Variants in CADM2 observed in about 807,000 individuals in gnomAD.
CADM2 encodes the protein cell adhesion molecule 2, also known as immunoglobulin superfamily member 4D.
A neutral mutation model predicts 49.8 loss-of-function variants in CADM2; 12 were observed. The observed-to-expected ratio is 0.24, with a 90% CI of 0.15 to 0.39. CADM2 has a LOEUF of 0.39. Among genes scored for constraint, CADM2 ranks in the 10% least tolerant of loss-of-function variants. CADM2 has a pLI of 1.00. For missense variants in CADM2, 378 were observed against 492.3 expected (o/e 0.77, Z 2.20); for synonymous variants, 214 against 175.4 (o/e 1.22, Z -1.74).
chr3:85,326,967 A>T (rs533093105), intron 1 of CADM2, among the ~76,000 whole-genome samples: 4 of 152,290 alleles, frequency 2.6e-5, no homozygotes, highest in Admixed American at 6.5e-5. Context: ...TAAATAAAAT[A>T]GAATTAACAT....
intron 1 of CADM2, among the ~76,000 whole-genome samples, chr3:85,681,829 AGT>A (rs1180659855): frequency 6.6e-6 from 1 of 152,136 alleles, no homozygotes; most frequent in East Asian, 1.9e-4. Context: ...TTAACTGTTA[AGT>A]GAATAATTTC....
At chr3:85,900,228 A>G (rs1715929272) in intron 5 of CADM2, among the ~76,000 whole-genome samples, 1 of 152,312 alleles carries the variant, frequency 6.6e-6, no homozygotes, top group Admixed American at 6.5e-5. Flanking sequence ...CATCTAGACT[A>G]GAAGGAGTAG....
chr3:85,290,195 C>T (rs973695267), intron 1 of CADM2, among the ~76,000 whole-genome samples: 13 of 152,128 alleles, frequency 8.5e-5, no homozygotes, highest in South Asian at 2.1e-4. Flanking sequence ...CCTGGAAAAT[C>T]GGGTCACTCC....
intron 1 of CADM2, among the ~76,000 whole-genome samples, chr3:85,522,312 T>G (rs1393235899): frequency 2.0e-5 from 3 of 152,162 alleles, no homozygotes; most frequent in Non-Finnish European, 2.9e-5. Context: ...AACTTATTTT[T>G]TCCTTTTCTG....
intron 1 of CADM2, among the ~76,000 whole-genome samples, chr3:85,036,626 T>C (rs1486368679): frequency 6.6e-6 from 1 of 152,146 alleles, no homozygotes. Flanking sequence ...AAAAAGAATG[T>C]TATCCTTCAA....
intron 1 of CADM2, among the ~76,000 whole-genome samples, chr3:84,965,969 C>G (rs1050153441): frequency 1.3e-5 from 2 of 152,118 alleles, no homozygotes; most frequent in African/African-American, 4.8e-5. Flanking sequence ...GTTATAAACC[C>G]ACTGTTATAG....
At chr3:85,305,690 A>G (rs922970839) in intron 1 of CADM2, among the ~76,000 whole-genome samples, 1 of 151,662 alleles carries the variant, frequency 6.6e-6, no homozygotes, top group Non-Finnish European at 1.5e-5. Context: ...TTTCACCACC[A>G]TCATGCAAAA....
At chr3:85,397,854 A>G (rs2034872232) in intron 1 of CADM2, among the ~76,000 whole-genome samples, 2 of 152,182 alleles carry the variant, frequency 1.3e-5, no homozygotes, top group African/African-American at 2.4e-5. Flanking sequence ...ACACTTAGAA[A>G]TGGTTAAAAT....
At chr3:85,390,260 G>A (rs2034454217) in intron 1 of CADM2, among the ~76,000 whole-genome samples, 1 of 151,958 alleles carries the variant, frequency 6.6e-6, no homozygotes, top group Non-Finnish European at 1.5e-5. Flanking sequence ...TGAGGCTTCA[G>A]TTCCATTTCA....
At chr3:86,053,666 A>G (rs541626589) in intron 8 of CADM2, among the ~76,000 whole-genome samples, 1 of 152,178 alleles carries the variant, frequency 6.6e-6, no homozygotes, top group South Asian at 2.1e-4. Flanking sequence ...AAATTCTCTT[A>G]TGCTGGTCTA....
At chr3:85,856,291 T>C (rs2075315392) in intron 3 of CADM2, among the ~76,000 whole-genome samples, 1 of 152,224 alleles carries the variant, frequency 6.6e-6, no homozygotes, top group African/African-American at 2.4e-5. Context: ...TAATCTATTT[T>C]ATCTCTATTT....
rs186373545 is a variant in CADM2, at chr3:85,210,312, C to T, written c.61+250644C>T. ...TGTATGTTGAACCATCCATGTCTCC[C>T]TGGGGTAAATGCCATTTAGTCATGA... is the stretch of plus-strand genomic sequence containing the variant. On this transcript the variant is annotated intron_variant, in intron 1 of 9. Transcript: ENST00000383699. 1.8e-3 allele frequency among the ~76,000 whole-genome samples: 274 copies of T among 152,244 alleles called. 1 individual carries two copies. The highest frequency in any genetic ancestry group is 6.3e-3 in the African/African-American group (263 of 41,542).
At chr3:85,637,395 G>A (rs528805097) in intron 1 of CADM2, among the ~76,000 whole-genome samples, 14 of 150,874 alleles carry the variant, frequency 9.3e-5, no homozygotes, top group South Asian at 6.3e-4. Context: ...GAGGTCAGGA[G>A]ATCGAGACCA....
chr3:85,346,341 C>T (rs73845432), intron 1 of CADM2, among the ~76,000 whole-genome samples: 18,222 of 152,126 alleles, frequency 0.12, 1,260 homozygotes, highest in African/African-American at 0.18. Context: ...GTTACTTTGA[C>T]ATTTTTCACA....
At chr3:85,981,323 T>G (rs1727457775) in intron 8 of CADM2, among the ~76,000 whole-genome samples, 1 of 151,626 alleles carries the variant, frequency 6.6e-6, no homozygotes, top group South Asian at 2.1e-4. Context: ...CACATGAATC[T>G]TAAGTGGGAT....
At chr3:84,996,130 A>G (rs1381059437) in intron 1 of CADM2, among the ~76,000 whole-genome samples, 1 of 152,178 alleles carries the variant, frequency 6.6e-6, no homozygotes, top group Non-Finnish European at 1.5e-5. Context: ...CCAGGGTTTC[A>G]GATGAATTGT....
At chr3:85,695,325 A>T (rs1577103516) in intron 1 of CADM2, among the ~76,000 whole-genome samples, 1 of 151,500 alleles carries the variant, frequency 6.6e-6, no homozygotes. Flanking sequence ...TTCTATTCCC[A>T]CCTCCTACCC....
chr3:85,559,804 T>C (rs1244960742), intron 1 of CADM2, among the ~76,000 whole-genome samples: 1 of 152,036 alleles, frequency 6.6e-6, no homozygotes, highest in Non-Finnish European at 1.5e-5. Context: ...TATTGGAAGG[T>C]GAAGAGAAGG....
At position 85,135,734 on chromosome 3, in the gene CADM2, A is replaced by C. The variant is rs1436163787; in HGVS notation, c.61+176066A>C. Among the ~76,000 whole-genome samples the C allele has an allele frequency of 2.6e-5, 4 of 152,076 alleles. No homozygotes were observed. The East Asian group carries it at 7.7e-4, about 29-fold the overall frequency. On this transcript the variant is annotated intron_variant, in intron 1 of 9. Coordinates refer to ENST00000383699, the MANE Select transcript of CADM2 (RefSeq NM_001167675.2). ...AGTATTCAAATATTGCTGTAGAAGC[A>C]TTATTTCAATACACAAACATTTTGT...
Sources: allele counts gnomAD v4.1 joint callset (sites outside exome capture counted in the v4.1 genomes callset), GRCh38; gene constraint gnomAD v4.1.1; transcripts MANE v1.5; gene names NCBI Gene and HGNC (gene_info 2026-07-23, HGNC 2026-07-21).